Variants in RTKN observed in about 807,000 individuals in gnomAD.
RTKN encodes rhotekin.
In RTKN, 49 loss-of-function variants were observed where a neutral mutation model predicts 63.5. The observed-to-expected ratio is 0.77, with a 90% CI of 0.61 to 0.98. RTKN has a LOEUF of 0.98. Ranked by LOEUF, RTKN falls within the 50% of genes least tolerant of loss-of-function variation. The pLI is 0.00. For missense variants in RTKN, 685 were observed against 740.8 expected (o/e 0.92, Z 0.87); for synonymous variants, 295 against 290.4 (o/e 1.02, Z -0.16).
chr2:74,428,971 A>C (rs202130519), intron 6 of RTKN, 29 bp from the exon 7 acceptor site: 1 of 1,574,480 alleles, frequency 6.4e-7, no homozygotes, highest in East Asian at 2.2e-5. Context: ...AGCATCAGCC[A>C]AGGGAGGGGC....
chr2:74,430,924 T>TG, intron 2 of RTKN: 1 of 533,424 alleles, frequency 1.9e-6, no homozygotes. Context: ...TCAGGGCTCC[T>TG]CTCTCCAAGC....
chr2:74,428,259 AC>A lies in RTKN; in HGVS notation c.1086+8del. 1 of 1,614,054 alleles carries A rather than the reference AC, an allele frequency of 6.2e-7. No homozygotes were observed. Among genetic ancestry groups the A allele is most frequent in the South Asian group, 1.1e-5 (1 of 91,078 alleles). On this transcript the variant is annotated splice_region_variant and intron_variant, in intron 9 of 11. Transcript: ENST00000272430. Reference sequence around the variant, plus strand: ...CCCTTGGTGGCCTTACTACCAAGGGACCCATCACCTTGTTGACAGCAATAGT... The same window carrying A: ...CCCTTGGTGGCCTTACTACCAAGGGACCATCACCTTGTTGACAGCAATAGT...
intron 1 of RTKN, among the ~76,000 whole-genome samples, chr2:74,435,302 T>C (rs1318061414): frequency 6.6e-6 from 1 of 152,168 alleles, no homozygotes; most frequent in African/African-American, 2.4e-5. Flanking sequence ...AGTTTCCCCA[T>C]CTGTAAATCA....
chr2:74,430,362 G>A lies in RTKN; in HGVS notation c.435C>T (p.His145=), dbSNP rs764822629. The part of the protein sequence containing the change: ...TEYFKNKGDL[H]RWAVFLLLQL... ...GCAGCAGCAGGAACACAGCCCAGCG[G>A]TGCAAGTCTGGGGACAAAGGGCAAA... The change falls in exon 5 of 12, where the codon CAC becomes CAT. Residue 145 remains histidine (H), a synonymous_variant. Transcript: ENST00000272430. 1.2e-6 allele frequency: 2 copies of A among 1,614,194 alleles called. No individual in the cohort carries two copies. The highest frequency in any genetic ancestry group is 1.1e-5 in the South Asian group (1 of 91,082).
At position 74,428,864 on chromosome 2, in the gene RTKN, G is replaced by A. The variant is rs746115660; in HGVS notation, c.834C>T (p.Leu278=). The change falls in exon 7 of 12, where the codon CTC becomes CTT. Residue 278 remains leucine, a synonymous_variant. Coordinates refer to ENST00000272430, the MANE Select transcript of RTKN (RefSeq NM_001015055.2). ...CATACTTACCATGACTGGCAAGGGT[G>A]AGGTCATGTGTGCGGAATCCATCTT... ...AVQDGFRTHD[L]TLASHEENPA... is the part of the protein sequence containing the mutation. 59 of 1,613,914 alleles carry A rather than the reference G, an allele frequency of 3.7e-5. No individual in the cohort carries two copies. The highest frequency in any genetic ancestry group is 1.3e-4 in the African/African-American group (10 of 74,908).
intron 1 of RTKN, among the ~76,000 whole-genome samples, chr2:74,437,796 A>T (rs1300982926): frequency 6.6e-6 from 1 of 152,214 alleles, no homozygotes; most frequent in East Asian, 1.9e-4. Context: ...GTAGAGTCCC[A>T]ACGAGTTCAC....
chr2:74,429,745 T>C, intron 6 of RTKN, 83 bp downstream of exon 6: 1 of 1,322,386 alleles, frequency 7.6e-7, no homozygotes, highest in Non-Finnish European at 1.1e-6. Context: ...GCAAAATGGG[T>C]TCTGCACACT....
chr2:74,429,812 G>C lies in RTKN; in HGVS notation c.755+16C>G. The C allele has an allele frequency of 6.2e-7, 1 of 1,608,086 alleles. No individual in the cohort carries two copies. Among genetic ancestry groups the C allele is most frequent in the East Asian group, 2.2e-5 (1 of 44,784 alleles). ...ATACAGGCAGCTGAGGGTGGTGTCG[G>C]TGTGCAAGGCCTTACCCAACAACTG... On this transcript the variant is annotated intron_variant, in intron 6 of 11. Transcript: ENST00000272430.
Position 74,441,695 on chromosome 2 carries a change from G to C in RTKN, c.111+11C>G. ...CCGCGGAAGGGGAAGGCAGGGACGCGAGTCTCTCACCTCGGGCAGGTCGCT... is the reference window on the plus strand; with the variant it reads ...CCGCGGAAGGGGAAGGCAGGGACGCCAGTCTCTCACCTCGGGCAGGTCGCT... On this transcript the variant is annotated intron_variant, in intron 1 of 11. Coordinates refer to ENST00000272430, the MANE Select transcript of RTKN (RefSeq NM_001015055.2). The C allele has an allele frequency of 6.3e-7, 1 of 1,597,754 alleles. No homozygotes were observed. Among genetic ancestry groups the C allele is most frequent in the East Asian group, 2.2e-5 (1 of 44,524 alleles).
At position 74,439,431 on chromosome 2, in the gene RTKN, C is replaced by T. The variant is rs1156628516; in HGVS notation, c.111+2275G>A. On this transcript the variant is annotated intron_variant, in intron 1 of 11. Transcript: ENST00000272430. ...ACAAGGCATAGGGAACCACCTGTCC[C>T]TCTTCCCACTTTAAGCAGGCCTGGC... 18 of 1,115,360 alleles carry T rather than the reference C, an allele frequency of 1.6e-5. No homozygotes were observed. The East Asian group carries it at 4.6e-4, about 29-fold the overall frequency. 69.1% of individuals were successfully genotyped at this position (1,115,360 alleles called of 1,614,324 possible). A position where few individuals can be genotyped will look rare whatever the true frequency, so the allele number is the denominator to read the frequency against.
intron 1 of RTKN, among the ~76,000 whole-genome samples, 184 bp from the exon 2 acceptor site, chr2:74,432,850 C>T: frequency 6.6e-6 from 1 of 152,114 alleles, no homozygotes; most frequent in East Asian, 1.9e-4. Flanking sequence ...AGCTTTGTAG[C>T]CAGGTGCAGT....
At chr2:74,430,708 C>T in intron 2 of RTKN, 31 bp from the exon 3 acceptor site, 1 of 1,597,048 alleles carries the variant, frequency 6.3e-7, no homozygotes, top group Non-Finnish European at 8.5e-7. Context: ...CCTGGCCTGG[C>T]CTCTAGCCAC....
rs1395632697 is a variant in RTKN, at chr2:74,429,852, A to T, written c.731T>A (p.Ile244Asn). Residue 244 changes from isoleucine (I) to asparagine (N), a missense_variant, in exon 6 of 12, where the codon ATC (isoleucine) becomes AAC (asparagine). Transcript: ENST00000272430. Reference sequence around the variant, plus strand: ...CCCAACAACTGGGGTGGGGAGCAAGATGGGACTGCTCCCTGAACCCCCAGC... The same window carrying T: ...CCCAACAACTGGGGTGGGGAGCAAGTTGGGACTGCTCCCTGAACCCCCAGC... The part of the protein sequence containing the change: ...DSAGGSGSSP[I>N]LLPTPVVGGP... The T allele has an allele frequency of 1.2e-6, 2 of 1,613,966 alleles. No individual in the cohort carries two copies. The highest frequency in any genetic ancestry group is 1.7e-6 in the Non-Finnish European group (2 of 1,179,990).
chr2:74,430,584 G>A, intron 3 of RTKN, 32 bp downstream of exon 3: 3 of 1,614,038 alleles, frequency 1.9e-6, no homozygotes, highest in South Asian at 1.1e-5. Context: ...TGGGCAAGGG[G>A]TACCAGCAGC....
At chr2:74,438,971 A>G (rs1368022307) in intron 1 of RTKN, among the ~76,000 whole-genome samples, 1 of 152,252 alleles carries the variant, frequency 6.6e-6, no homozygotes, top group African/African-American at 2.4e-5. Context: ...CAGATAGTAC[A>G]TAAAATTTAC....
intron 2 of RTKN, 64 bp from the exon 3 acceptor site, chr2:74,430,741 A>C: frequency 9.4e-6 from 14 of 1,492,550 alleles, no homozygotes; most frequent in South Asian, 1.2e-5. Flanking sequence ...CTCTGGTCCC[A>C]ACGACTCTAG....
chr2:74,428,445 C>A (rs947400038), intron 8 of RTKN, 49 bp from the exon 9 acceptor site: 3 of 1,613,638 alleles, frequency 1.9e-6, no homozygotes, highest in Admixed American at 3.3e-5. Context: ...CCCCCAGTAT[C>A]CCTCTTCTCA....
rs1189879373 is a variant in RTKN, at chr2:74,426,502, G to A, written c.1433C>T (p.Thr478Ile). 2 of 1,590,106 alleles carry A rather than the reference G, an allele frequency of 1.3e-6. No homozygotes were observed. Among genetic ancestry groups the A allele is most frequent in the Non-Finnish European group, 8.6e-7 (1 of 1,165,852 alleles). The change falls in exon 12 of 12, where the codon ACA (threonine) becomes ATA (isoleucine). Residue 478 changes from threonine to isoleucine, a missense_variant. Physicochemically the swap from Thr to Ile is moderately conservative, Grantham distance 89. Transcript: ENST00000272430. ...LTQREGARLE[T>I]PPPWLAMFTD... ...AAACATTGCCAGCCAGGGTGGGGGT[G>A]TCTCCAGCCTTGCGCCCTCCCGCTG...
chr2:74,439,855 C>T (rs1671258910), intron 1 of RTKN: 7 of 1,358,470 alleles, frequency 5.2e-6, no homozygotes, highest in Non-Finnish European at 6.7e-6. Context: ...TGCCGGGAGC[C>T]AGGCAGGGAA....
Sources: allele counts gnomAD v4.1 joint callset (sites outside exome capture counted in the v4.1 genomes callset), GRCh38; gene constraint gnomAD v4.1.1; transcripts MANE v1.5; gene names NCBI Gene and HGNC (gene_info 2026-07-23, HGNC 2026-07-21).